The following NT5C1B variants were observed in gnomAD, a reference collection of about 807,000 sequenced individuals.
NT5C1B encodes 5'-nucleotidase, cytosolic IB.
Under a neutral mutation model 57.8 loss-of-function variants are expected in NT5C1B, and 44 were observed. The ratio of observed to expected loss-of-function variants is 0.76; its 90% confidence interval spans 0.60 to 0.98. NT5C1B has a LOEUF of 0.98. Among genes scored for constraint, NT5C1B ranks in the 50% least tolerant of loss-of-function variants. NT5C1B has a pLI of 0.00. For missense variants in NT5C1B, 742 were observed against 719.5 expected (o/e 1.03, Z -0.36); for synonymous variants, 284 against 282.6 (o/e 1.00, Z -0.05).
chr2:18,571,964 T>C (rs1192710435), intron 8 of NT5C1B, among the ~76,000 whole-genome samples: 1 of 149,846 alleles, frequency 6.7e-6, no homozygotes, highest in East Asian at 2.0e-4. Flanking sequence ...TGGGTGCCTA[T>C]AGTCACAGCT....
rs77802886 is a variant in NT5C1B, at chr2:18,572,063, G to C, written c.1329+4121C>G. Among the ~76,000 whole-genome samples the C allele has an allele frequency of 3.7e-4, 51 of 137,802 alleles. 1 individual carries two copies. In the East Asian group the frequency reaches 0.011, roughly 29 times the overall value. The allele number at this position is 137,802 out of a possible 152,430, so 90.4% of individuals were successfully genotyped here. A position where few individuals can be genotyped will look rare whatever the true frequency, so the allele number is the denominator to read the frequency against. On this transcript the variant is annotated intron_variant, in intron 8 of 8. Coordinates refer to ENST00000304081, the Ensembl canonical transcript of NT5C1B. ...ATCATGCCATTGCATTCCAGACTGG[G>C]CGACAGAGCGAGACTCTGTCAAAAA...
intron 1 of NT5C1B, among the ~76,000 whole-genome samples, chr2:18,588,470 A>G (rs548178984): frequency 6.6e-6 from 1 of 152,234 alleles, no homozygotes; most frequent in South Asian, 2.1e-4. Flanking sequence ...TGAGAATGTT[A>G]GTTGCATGAG....
chr2:18,570,522 A>G (rs1665053839), intron 8 of NT5C1B, among the ~76,000 whole-genome samples: 1 of 152,084 alleles, frequency 6.6e-6, no homozygotes, highest in Non-Finnish European at 1.5e-5. Context: ...CAAGCTCATA[A>G]ACAGAAGAAA....
At chr2:18,576,979 A>G (rs1356265870) in intron 6 of NT5C1B, 84 bp from the exon 7 acceptor site, 2 of 1,582,866 alleles carry the variant, frequency 1.3e-6, no homozygotes, top group Non-Finnish European at 1.7e-6. Context: ...CCTTAGAGAT[A>G]ACTGAGTTTA....
intron 8 of NT5C1B, 73 bp downstream of exon 8, chr2:18,576,111 G>A: frequency 7.1e-7 from 1 of 1,414,658 alleles, no homozygotes; most frequent in Non-Finnish European, 9.4e-7. Flanking sequence ...TCATCAGAAT[G>A]GACCAATATT....
chr2:18,578,052 A>ACC (rs906307133), intron 6 of NT5C1B, among the ~76,000 whole-genome samples: 10 of 152,048 alleles, frequency 6.6e-5, no homozygotes, highest in Non-Finnish European at 1.5e-5. Context: ...GAAAAATATA[A>ACC]CCTCCCAAGA....
At chr2:18,577,886 G>C (rs961298033) in intron 6 of NT5C1B, among the ~76,000 whole-genome samples, 1 of 151,886 alleles carries the variant, frequency 6.6e-6, no homozygotes, top group Non-Finnish European at 1.5e-5. Flanking sequence ...GAAAAACAGA[G>C]AGAAAAATCC....
At chr2:18,586,847 G>A (rs2148182965) in intron 2 of NT5C1B, 3 of 1,412,642 alleles carry the variant, frequency 2.1e-6, no homozygotes, top group African/African-American at 1.4e-5. Flanking sequence ...AAAAGGAATG[G>A]AGCCCTCAAG....
At position 18,584,786 on chromosome 2, in the gene NT5C1B, C is replaced by T. The variant is rs767189136; in HGVS notation, c.451G>A (p.Glu151Lys). The T allele has an allele frequency of 6.2e-7, 1 of 1,613,586 alleles. No individual in the cohort carries two copies. The highest frequency in any genetic ancestry group is 8.5e-7 in the Non-Finnish European group (1 of 1,179,830). ...CCTTGGGCCCAGGCCTCCGGATTCT[C>T]TTGCATTTTGGTGCTGCGCCGGGAG... The change falls in exon 4 of 9, where the codon GAG (glutamate) becomes AAG (lysine). Residue 151 changes from glutamate to lysine, a missense_variant. Physicochemically the swap from Glu to Lys is moderately conservative, Grantham distance 56. Transcript: ENST00000304081. This position sits in a 1 kb window ranked among gnomAD's most constrained non-coding sequence, Gnocchi z 5.8.
intron 6 of NT5C1B, among the ~76,000 whole-genome samples, chr2:18,578,413 G>C (rs1665894606): frequency 6.6e-6 from 1 of 152,038 alleles, no homozygotes; most frequent in South Asian, 2.1e-4. Context: ...CAAAAAGCTA[G>C]TCTACTGTGA....
At chr2:18,578,996 A>G (rs1391462497) in intron 6 of NT5C1B, among the ~76,000 whole-genome samples, 2 of 152,174 alleles carry the variant, frequency 1.3e-5, no homozygotes, top group Non-Finnish European at 2.9e-5. Context: ...TATACCAACA[A>G]TGTTCAAGCT....
intron 2 of NT5C1B, 159 bp downstream of exon 2, chr2:18,587,344 C>T: frequency 1.0e-6 from 1 of 985,448 alleles, no homozygotes; most frequent in South Asian, 4.7e-5. Flanking sequence ...AGGGCCCAAC[C>T]TTTCCTAGTT....
chr2:18,587,409 T>A, intron 2 of NT5C1B, 94 bp downstream of exon 2: 1 of 1,561,662 alleles, frequency 6.4e-7, no homozygotes, highest in Non-Finnish European at 8.6e-7. Context: ...CTCAACAGCT[T>A]GGTCTTCTCT....
intron 7 of NT5C1B, 84 bp from the exon 8 acceptor site, chr2:18,576,452 G>A (rs986589553): frequency 1.3e-5 from 20 of 1,481,828 alleles, no homozygotes; most frequent in Non-Finnish European, 1.8e-5. Context: ...AATTCTCCCA[G>A]ACCTTATGTT....
In NT5C1B at chr2:18,584,305, A is replaced by G. The variant is rs745708472; in HGVS notation, c.724-50T>C. The G allele has an allele frequency of 3.1e-6, 5 of 1,594,814 alleles. No individual in the cohort carries two copies. The South Asian group carries it at 4.6e-5, about 15-fold the overall frequency. ...GGATAGTCACATAGCCACGAAGAGG[A>G]CAGGGTTGGGGCTCCTCCAGGGTAG... On this transcript the variant is annotated intron_variant, in intron 4 of 8. Transcript: ENST00000304081. This position sits in a 1 kb window ranked among gnomAD's most constrained non-coding sequence, Gnocchi z 5.8.
chr2:18,579,430 A>G (rs897928414), intron 6 of NT5C1B, among the ~76,000 whole-genome samples: 2 of 152,244 alleles, frequency 1.3e-5, no homozygotes, highest in Non-Finnish European at 2.9e-5. Context: ...TGGTGCCGGT[A>G]TAAAAACAGA....
intron 2 of NT5C1B, 185 bp downstream of exon 2, chr2:18,587,318 G>T: frequency 6.8e-7 from 1 of 1,471,982 alleles, no homozygotes; most frequent in East Asian, 2.5e-5. Flanking sequence ...ACTAGGGTAT[G>T]GATGGAGGGG....
chr2:18,564,364 C>A lies in NT5C1B; in HGVS notation c.1330-245G>T, dbSNP rs188005357. On this transcript the variant is annotated intron_variant, in intron 8 of 8. Transcript: ENST00000304081. ...ATGACCATATTATTTAACATGTAAA[C>A]CTATATACTTTAGGTATGAAAGAAT... is the stretch of plus-strand genomic sequence containing the variant. 3.4e-3 allele frequency among the ~76,000 whole-genome samples: 510 copies of A among 152,234 alleles called. 3 individuals carry two copies. Among genetic ancestry groups the A allele is most frequent in the African/African-American group, 0.011 (477 of 41,532 alleles).
At chr2:18,576,654 A>G in intron 7 of NT5C1B, 119 bp downstream of exon 7, 2 of 1,506,062 alleles carry the variant, frequency 1.3e-6, no homozygotes, top group East Asian at 2.3e-5. Flanking sequence ...CCCATGTGGA[A>G]AAACTTCAGA....
Sources: gnomAD v4.1 joint callset for allele counts (sites outside exome capture counted in the v4.1 genomes callset) on GRCh38, gnomAD v4.1.1 for gene constraint, Gnocchi (gnomAD v3.1) non-coding constraint, MANE v1.5 for transcripts, NCBI Gene and HGNC (gene_info 2026-07-23, HGNC 2026-07-21) for gene names.